CDK12: variants seen among roughly 807,000 people sequenced by gnomAD.
The protein encoded by CDK12 is cyclin-dependent kinase 12.
CDK12 carries 17 observed loss-of-function variants against 133.8 expected under a neutral mutation model. The ratio of observed to expected loss-of-function variants is 0.13; its 90% CI spans 0.09 to 0.19. The LOEUF is 0.19. Ranked by LOEUF, CDK12 falls within the 10% of genes least tolerant of loss-of-function variation. CDK12 has a pLI of 1.00. For synonymous variants in CDK12, 694 were observed against 683.6 expected (o/e 1.02, Z -0.24); for missense variants, 1,508 against 1,818.7 (o/e 0.83, Z 3.11).
chr17:39,541,263 A>G (rs1282873762), intron 1 of CDK12, among the ~76,000 whole-genome samples: 1 of 151,548 alleles, frequency 6.6e-6, no homozygotes, highest in Non-Finnish European at 1.5e-5. Context: ...CCTGCCCCAT[A>G]CCTGCTCTCA....
chr17:39,485,377 A>G (rs1279452832), intron 2 of CDK12, among the ~76,000 whole-genome samples: 1 of 141,496 alleles, frequency 7.1e-6, no homozygotes, highest in Non-Finnish European at 1.5e-5. Context: ...TTCAGGTGGG[A>G]GTTTGAGACC....
chr17:39,471,068 A>G lies in CDK12; in HGVS notation c.1236A>G (p.Ala412=). ...KKKERAAAAA[A]AKMDGKESKG... ...AGGAAAGAGCAGCTGCTGCTGCTGCAGCAAAGATGGATGGAAAGGAGTCCA... is the reference window on the plus strand; with the variant it reads ...AGGAAAGAGCAGCTGCTGCTGCTGCGGCAAAGATGGATGGAAAGGAGTCCA... Residue 412 remains alanine, a synonymous_variant, in exon 2 of 14, where the codon GCA becomes GCG. Transcript: ENST00000447079. The G allele has an allele frequency of 3.7e-6, 6 of 1,613,570 alleles. No individual in the cohort carries two copies. Among genetic ancestry groups the G allele is most frequent in the Non-Finnish European group, 5.1e-6 (6 of 1,179,620 alleles).
At chr17:39,553,567 GCT>G (rs1439975844) in intron 2 of CDK12, among the ~76,000 whole-genome samples, 1 of 152,228 alleles carries the variant, frequency 6.6e-6, no homozygotes, top group East Asian at 1.9e-4. Flanking sequence ...CAGGCAGCCA[GCT>G]CTCTGCCCCA....
intron 3 of CDK12, among the ~76,000 whole-genome samples, chr17:39,558,525 C>T (rs2056247071): frequency 6.6e-6 from 1 of 152,168 alleles, no homozygotes; most frequent in Non-Finnish European, 1.5e-5. Flanking sequence ...TATTTCATCC[C>T]CTGGATATGC....
intron 5 of CDK12, among the ~76,000 whole-genome samples, chr17:39,496,338 C>T (rs183357828): frequency 4.1e-4 from 62 of 152,132 alleles, no homozygotes; most frequent in African/African-American, 1.2e-3. Context: ...AATGTTTATG[C>T]GTAAACATAG....
At chr17:39,516,017 A>G (rs566995415) in intron 9 of CDK12, among the ~76,000 whole-genome samples, 6 of 152,328 alleles carry the variant, frequency 3.9e-5, no homozygotes, top group African/African-American at 1.4e-4. Context: ...CTTACTTTGC[A>G]TATTTTTTAT....
chr17:39,542,156 T>A (rs975216294), intron 1 of CDK12, among the ~76,000 whole-genome samples: 1 of 151,892 alleles, frequency 6.6e-6, no homozygotes, highest in African/African-American at 2.4e-5. Context: ...TATACATATA[T>A]ATATGTGTGT....
At chr17:39,475,440 G>A (rs1191088982) in intron 2 of CDK12, among the ~76,000 whole-genome samples, 1 of 151,914 alleles carries the variant, frequency 6.6e-6, no homozygotes, top group Non-Finnish European at 1.5e-5. Flanking sequence ...GCCACTGTAC[G>A]CCAGCTTGTG....
intron 2 of CDK12, among the ~76,000 whole-genome samples, chr17:39,477,443 G>T (rs1347850616): frequency 6.6e-6 from 1 of 150,898 alleles, no homozygotes; most frequent in Admixed American, 6.6e-5. Flanking sequence ...TCACTGTGTT[G>T]GTCAGGCTGG....
At chr17:39,472,341 T>A (rs2049856760) in intron 2 of CDK12, among the ~76,000 whole-genome samples, 1 of 152,118 alleles carries the variant, frequency 6.6e-6, no homozygotes, top group Non-Finnish European at 1.5e-5. Context: ...AGTTTTCCCT[T>A]AAATTTTTGT....
chr17:39,555,777 T>C (rs531246628), intron 2 of CDK12, among the ~76,000 whole-genome samples: 4 of 149,676 alleles, frequency 2.7e-5, no homozygotes, highest in Non-Finnish European at 5.9e-5. Context: ...GTGGATCGCT[T>C]GAGCTTAGGA....
At chr17:39,548,136 C>T (rs1800937895), upstream of CDK12, among the ~76,000 whole-genome samples, 1 of 152,266 alleles carries the variant, frequency 6.6e-6, no homozygotes, top group Middle Eastern at 3.4e-3. Context: ...TGCCCCTTAG[C>T]AGACAGTTTG....
At chr17:39,537,545 T>TTTTATTTATTTA (rs370963468), downstream of CDK12, among the ~76,000 whole-genome samples, 5,424 of 142,528 alleles carry the variant, frequency 0.038, 108 homozygotes, top group Non-Finnish European at 0.045. Context: ...AATTCCTTAT[T>TTTTATTTATTTA]TTTATTTATT....
At chr17:39,498,968 T>G (rs1234232680) in intron 5 of CDK12, among the ~76,000 whole-genome samples, 1 of 2 alleles carries the variant, frequency 0.5, no homozygotes. Context: ...TCTTTCTTTC[T>G]TTCTTTCTTT....
At chr17:39,565,953 C>T (rs1330885061), downstream of CDK12, among the ~76,000 whole-genome samples, 4 of 152,122 alleles carry the variant, frequency 2.6e-5, no homozygotes, top group Admixed American at 2.6e-4. Flanking sequence ...AAAAAATGAG[C>T]AAGGAAGGTC....
At chr17:39,478,086 G>A (rs962867327) in intron 2 of CDK12, among the ~76,000 whole-genome samples, 3 of 148,954 alleles carry the variant, frequency 2.0e-5, no homozygotes, top group East Asian at 2.0e-4. Context: ...TTTAAGAGAC[G>A]GGGTCTTGCT....
At chr17:39,498,237 T>G (rs1251514226) in intron 5 of CDK12, among the ~76,000 whole-genome samples, 1 of 152,032 alleles carries the variant, frequency 6.6e-6, no homozygotes, top group African/African-American at 2.4e-5. Flanking sequence ...ATTTTGTTTT[T>G]TTTTTGAGAC....
chr17:39,487,845 G>C (rs999076570), intron 2 of CDK12, among the ~76,000 whole-genome samples: 2 of 151,886 alleles, frequency 1.3e-5, no homozygotes, highest in East Asian at 3.9e-4. Context: ...GAACTCCTGG[G>C]CTCAACTGAT....
intron 8 of CDK12, among the ~76,000 whole-genome samples, 196 bp downstream of exon 8, chr17:39,511,826 CT>C (rs968676195): frequency 2.7e-4 from 40 of 150,870 alleles, no homozygotes; most frequent in African/African-American, 9.5e-4. Context: ...CAGATTTCTT[CT>C]TTTTTTTTGT....
Sources: gnomAD v4.1 joint callset for allele counts (sites outside exome capture counted in the v4.1 genomes callset) on GRCh38, gnomAD v4.1.1 for gene constraint, MANE v1.5 for transcripts, NCBI Gene and HGNC (gene_info 2026-07-23, HGNC 2026-07-21) for gene names.